Variants in NXPH1 observed in about 807,000 individuals in gnomAD.
The protein encoded by NXPH1 is neurexophilin-1.
NXPH1 carries 5 observed loss-of-function variants against 23.7 expected under a neutral mutation model. The observed-to-expected ratio is 0.21, with a 90% CI of 0.11 to 0.44. NXPH1 has a LOEUF of 0.44. Among genes scored for constraint, NXPH1 ranks in the 20% least tolerant of loss-of-function variants. The probability of loss-of-function intolerance (pLI) is 0.99; values close to 1 mark genes in which losing one functional copy is unlikely to be tolerated. For missense variants in NXPH1, 324 were observed against 321.6 expected, an observed-to-expected ratio of 1.01 and a Z score of -0.06; for synonymous variants, 144 against 122.2, an observed-to-expected ratio of 1.18 and a Z score of -1.18.
At chr7:8,659,485 G>C (rs1404342681) in intron 2 of NXPH1, among the ~76,000 whole-genome samples, 3 of 152,194 alleles carry the variant, frequency 2.0e-5, no homozygotes, top group Admixed American at 1.3e-4. Context: ...CGCAAGGACA[G>C]AAAACCAAAC....
chr7:8,639,904 C>T (rs553203793), intron 2 of NXPH1, among the ~76,000 whole-genome samples: 6 of 152,174 alleles, frequency 3.9e-5, no homozygotes, highest in African/African-American at 1.2e-4. Context: ...ACCAATTAAA[C>T]GTCTTTTTGT....
chr7:8,534,077 T>G (rs1584217060), intron 2 of NXPH1, among the ~76,000 whole-genome samples: 1 of 152,236 alleles, frequency 6.6e-6, no homozygotes, highest in Admixed American at 6.5e-5. Context: ...CAACATCAGT[T>G]AAGTCATTGG....
intron 2 of NXPH1, among the ~76,000 whole-genome samples, chr7:8,595,949 T>C (rs1299944142): frequency 6.6e-6 from 1 of 152,058 alleles, no homozygotes; most frequent in Non-Finnish European, 1.5e-5. Context: ...TTTAAGTTAC[T>C]CAGATGAATT....
intron 2 of NXPH1, among the ~76,000 whole-genome samples, chr7:8,603,220 G>C (rs1380039296): frequency 6.6e-6 from 1 of 152,086 alleles, no homozygotes; most frequent in Non-Finnish European, 1.5e-5. Flanking sequence ...GCATACATGG[G>C]CTATGTCCAA....
chr7:8,639,507 G>A (rs1052917496), intron 2 of NXPH1, among the ~76,000 whole-genome samples: 3 of 151,642 alleles, frequency 2.0e-5, no homozygotes, highest in African/African-American at 4.8e-5. Context: ...AATTTTTGCC[G>A]ATTTGTTGGC....
intron 2 of NXPH1, among the ~76,000 whole-genome samples, chr7:8,555,680 G>A (rs1818346072): frequency 6.6e-6 from 1 of 151,704 alleles, no homozygotes; most frequent in Non-Finnish European, 1.5e-5. Flanking sequence ...GTCTTGGCAA[G>A]GACCCTCTGC....
chr7:8,652,438 C>G (rs10952115), intron 2 of NXPH1, among the ~76,000 whole-genome samples: 107,574 of 152,030 alleles, frequency 0.71, 38,799 homozygotes, highest in East Asian at 1. Context: ...ATACTTATTT[C>G]CATATCGATA....
intron 2 of NXPH1, among the ~76,000 whole-genome samples, chr7:8,499,888 G>A (rs888463568): frequency 1.3e-5 from 2 of 152,214 alleles, no homozygotes; most frequent in Middle Eastern, 3.4e-3. Flanking sequence ...TCCTTGTGCG[G>A]CCACATTAGG....
intron 2 of NXPH1, among the ~76,000 whole-genome samples, chr7:8,604,676 T>C (rs1461694443): frequency 6.6e-6 from 1 of 152,184 alleles, no homozygotes; most frequent in Non-Finnish European, 1.5e-5. Flanking sequence ...ATTTGTGATT[T>C]GGAATTTGTA....
chr7:8,547,623 G>A (rs998929812), intron 2 of NXPH1, among the ~76,000 whole-genome samples: 2 of 151,246 alleles, frequency 1.3e-5, no homozygotes, highest in African/African-American at 4.8e-5. Context: ...TTGCCCCTAG[G>A]TAGTTTTTAA....
At chr7:8,485,083 A>G (rs1006523101) in intron 2 of NXPH1, among the ~76,000 whole-genome samples, 16 of 152,184 alleles carry the variant, frequency 1.1e-4, no homozygotes, top group African/African-American at 3.4e-4. Flanking sequence ...TAACGTAAGA[A>G]GAACTAGAGG....
chr7:8,446,337 G>A (rs1032751272), intron 2 of NXPH1, among the ~76,000 whole-genome samples: 2 of 152,112 alleles, frequency 1.3e-5, no homozygotes, highest in Non-Finnish European at 2.9e-5. Context: ...TAACATCTAA[G>A]TACATAATCA....
At chr7:8,468,617 G>A (rs1305314406) in intron 2 of NXPH1, among the ~76,000 whole-genome samples, 1 of 151,984 alleles carries the variant, frequency 6.6e-6, no homozygotes, top group Non-Finnish European at 1.5e-5. Context: ...ATTCTTTTCT[G>A]TACCTTAGGA....
chr7:8,503,325 AC>A (rs1554428296), intron 2 of NXPH1, among the ~76,000 whole-genome samples: 1 of 151,882 alleles, frequency 6.6e-6, no homozygotes, highest in Non-Finnish European at 1.5e-5. Flanking sequence ...TAGGGTTTGA[AC>A]CTGAGTATTT....
At chr7:8,508,883 A>T (rs564381659) in intron 2 of NXPH1, among the ~76,000 whole-genome samples, 2 of 152,034 alleles carry the variant, frequency 1.3e-5, no homozygotes, top group Non-Finnish European at 1.5e-5. Flanking sequence ...TTTTATGCCT[A>T]TGGTCATTTG....
At position 8,622,420 on chromosome 7, in the gene NXPH1, C is replaced by T. The variant is rs530194766; in HGVS notation, c.55-128588C>T. 5.9e-5 allele frequency among the ~76,000 whole-genome samples: 9 copies of T among 152,206 alleles called. No homozygotes were observed. The South Asian group carries it at 1.9e-3, about 32-fold the overall frequency. ...TTCAATTATAAGTCTAGTTCTTTCC[C>T]AACTACATTAGTCTATAAGTGGCCA... On this transcript the variant is annotated intron_variant, in intron 2 of 2. Coordinates refer to ENST00000405863, the MANE Select transcript of NXPH1 (RefSeq NM_152745.3).
chr7:8,726,741 G>A (rs1022577066), intron 2 of NXPH1, among the ~76,000 whole-genome samples: 1 of 148,890 alleles, frequency 6.7e-6, no homozygotes, highest in African/African-American at 2.5e-5. Context: ...ATCGTTGTTG[G>A]ACATTTGGGT....
chr7:8,746,864 C>T (rs1583259284), intron 2 of NXPH1, among the ~76,000 whole-genome samples: 2 of 147,366 alleles, frequency 1.4e-5, no homozygotes, highest in African/African-American at 2.5e-5. Flanking sequence ...CCACAGCATG[C>T]TTTTTTTTTT....
At chr7:8,746,272 A>G (rs879729154) in intron 2 of NXPH1, among the ~76,000 whole-genome samples, 14 of 152,028 alleles carry the variant, frequency 9.2e-5, no homozygotes, top group Admixed American at 5.9e-4. Context: ...ACATTGCCCT[A>G]CTCCCTTCCT....
Sources: allele counts gnomAD v4.1 joint callset (sites outside exome capture counted in the v4.1 genomes callset), GRCh38; gene constraint gnomAD v4.1.1; transcripts MANE v1.5; gene names NCBI Gene and HGNC (gene_info 2026-07-23, HGNC 2026-07-21).